The following NUMB variants were observed in gnomAD, a reference collection of about 807,000 sequenced individuals.
NUMB encodes protein numb homolog.
A neutral mutation model predicts 59.7 loss-of-function variants in NUMB; 29 were observed. The observed-to-expected ratio is 0.49, with a 90% CI of 0.36 to 0.66. The LOEUF is 0.66. Among genes scored for constraint, NUMB ranks in the 30% least tolerant of loss-of-function variants. The pLI is 0.00. For synonymous variants in NUMB, 288 were observed against 288.2 expected, an observed-to-expected ratio of 1.00 and a Z score of 0.01; for missense variants, 723 against 822.0, an observed-to-expected ratio of 0.88 and a Z score of 1.47.
intron 6 of NUMB, among the ~76,000 whole-genome samples, chr14:73,304,768 T>G (rs1293615978): frequency 1.3e-5 from 2 of 152,084 alleles, no homozygotes; most frequent in Non-Finnish European, 2.9e-5. Context: ...AGTTTTGTTT[T>G]GTTTTTTTTG....
chr14:73,431,776 C>T (rs1897843336), intron 1 of NUMB, among the ~76,000 whole-genome samples: 1 of 151,890 alleles, frequency 6.6e-6, no homozygotes, highest in African/African-American at 2.4e-5. Context: ...AAAATTTCAT[C>T]AATTTCATGT....
intron 6 of NUMB, among the ~76,000 whole-genome samples, chr14:73,308,527 T>C (rs1460468892): frequency 6.6e-6 from 1 of 152,214 alleles, no homozygotes; most frequent in Non-Finnish European, 1.5e-5. Context: ...AACAATCACA[T>C]GAAGTAGGCA....
At chr14:73,378,163 CAT>C (rs1895061250) in intron 2 of NUMB, among the ~76,000 whole-genome samples, 1 of 152,060 alleles carries the variant, frequency 6.6e-6, no homozygotes, top group Non-Finnish European at 1.5e-5. Context: ...AAGAAATTAT[CAT>C]ATGTCATGAG....
chr14:73,407,674 G>A (rs1896730594), intron 2 of NUMB, among the ~76,000 whole-genome samples: 2 of 152,162 alleles, frequency 1.3e-5, no homozygotes, highest in South Asian at 4.1e-4. Flanking sequence ...TCATTATGAT[G>A]TAAATCACTT....
At chr14:73,416,539 G>A (rs1897135184) in intron 1 of NUMB, among the ~76,000 whole-genome samples, 1 of 151,952 alleles carries the variant, frequency 6.6e-6, no homozygotes, top group Non-Finnish European at 1.5e-5. Context: ...AAATAAATAA[G>A]TGTGCAAATA....
At chr14:73,434,409 A>C (rs562603968) in intron 1 of NUMB, among the ~76,000 whole-genome samples, 1 of 152,204 alleles carries the variant, frequency 6.6e-6, no homozygotes, top group Non-Finnish European at 1.5e-5. Context: ...CGCTTCTTGG[A>C]ATGTAGCATT....
At chr14:73,311,158 C>T (rs1422597161) in intron 6 of NUMB, among the ~76,000 whole-genome samples, 2 of 152,180 alleles carry the variant, frequency 1.3e-5, no homozygotes, top group Middle Eastern at 3.4e-3. Context: ...GGTGTTCAAG[C>T]GATTCTCTTG....
intron 4 of NUMB, among the ~76,000 whole-genome samples, chr14:73,324,430 A>C (rs1891560789): frequency 2.0e-5 from 3 of 151,986 alleles, no homozygotes; most frequent in Admixed American, 2.0e-4. Context: ...TTTCCCTGCT[A>C]ATCTATCTAC....
intron 4 of NUMB, among the ~76,000 whole-genome samples, chr14:73,346,907 T>C (rs932102507): frequency 6.6e-6 from 1 of 152,218 alleles, no homozygotes; most frequent in East Asian, 1.9e-4. Flanking sequence ...ATCCGTTCTC[T>C]ACATGCTTCT....
rs1438462148 is a variant in NUMB at position 73,398,415 on chromosome 14, A to AGAGAGAGAGAGT, written c.-101+11521_-101+11522insACTCTCTCTCTC. ...CACAGAGAGAGAGAGAGAGAGAGAG[A>AGAGAGAGAGAGT]GTGTGTGTGTGTGTGTGTGTGTGTG... On this transcript the variant is annotated intron_variant, in intron 2 of 12. Transcript: ENST00000555238. Among the ~76,000 whole-genome samples, 72 of 118,876 alleles carry AGAGAGAGAGAGT rather than the reference A, an allele frequency of 6.1e-4. 1 individual carries two copies. Among genetic ancestry groups the AGAGAGAGAGAGT allele is most frequent in the African/African-American group, 2.3e-3 (69 of 30,180 alleles). The allele number at this position is 118,876 out of a possible 152,430, so 78.0% of individuals were successfully genotyped here.
At chr14:73,278,520 C>CA (rs58404965) in intron 12 of NUMB, among the ~76,000 whole-genome samples, 327 of 133,104 alleles carry the variant, frequency 2.5e-3, no homozygotes, top group African/African-American at 3.8e-3. Flanking sequence ...ACTCCACCTC[C>CA]AAAAAAAAAA....
At chr14:73,350,749 G>A (rs867325255) in intron 4 of NUMB, among the ~76,000 whole-genome samples, 13 of 147,942 alleles carry the variant, frequency 8.8e-5, no homozygotes, top group Middle Eastern at 6.9e-3. Context: ...GGCTGGTCTC[G>A]AACTCTTGGG....
chr14:73,337,799 T>C (rs1892419286), intron 4 of NUMB, among the ~76,000 whole-genome samples: 1 of 152,206 alleles, frequency 6.6e-6, no homozygotes, highest in African/African-American at 2.4e-5. Context: ...CTAGATCTAA[T>C]TTCAATATAC....
intron 4 of NUMB, among the ~76,000 whole-genome samples, chr14:73,354,490 G>C (rs182064627): frequency 3.9e-5 from 5 of 127,748 alleles, no homozygotes; most frequent in African/African-American, 1.5e-4. Flanking sequence ...CAGCCTGGGC[G>C]ACACAGCAAG....
chr14:73,292,404 A>G (rs1889459864), intron 8 of NUMB, among the ~76,000 whole-genome samples: 1 of 152,226 alleles, frequency 6.6e-6, no homozygotes, highest in South Asian at 2.1e-4. Flanking sequence ...ATACTCATAT[A>G]TGTTAGCCAA....
intron 4 of NUMB, among the ~76,000 whole-genome samples, chr14:73,341,560 GTTGA>G (rs536802495): frequency 3.3e-5 from 5 of 152,110 alleles, no homozygotes; most frequent in African/African-American, 7.2e-5. Flanking sequence ...TAGGAAAAGT[GTTGA>G]TTGATTGATT....
At chr14:73,389,104 A>G (rs2140094528) in intron 2 of NUMB, among the ~76,000 whole-genome samples, 1 of 147,752 alleles carries the variant, frequency 6.8e-6, no homozygotes, top group South Asian at 2.2e-4. Context: ...GCCTTAAAAA[A>G]AAAAAAAAAA....
chr14:73,297,082 G>A (rs573698860), intron 7 of NUMB, 129 bp downstream of exon 7: 26 of 570,914 alleles, frequency 4.6e-5, no homozygotes, highest in African/African-American at 1.2e-4. Flanking sequence ...CAGGAGAATC[G>A]CTTGAACCTG....
intron 4 of NUMB, among the ~76,000 whole-genome samples, chr14:73,323,819 CTA>C (rs755544843): frequency 6.6e-6 from 1 of 152,126 alleles, no homozygotes; most frequent in Non-Finnish European, 1.5e-5. Context: ...GGTTGAAAGA[CTA>C]TTTCAGGCTG....
Sources: allele counts gnomAD v4.1 joint callset (sites outside exome capture counted in the v4.1 genomes callset), GRCh38; gene constraint gnomAD v4.1.1; transcripts MANE v1.5; gene names NCBI Gene and HGNC (gene_info 2026-07-23, HGNC 2026-07-21).